The following GRAMD4 variants were observed in gnomAD, a reference collection of about 807,000 sequenced individuals.
GRAMD4 encodes the protein GRAM domain-containing protein 4.
In GRAMD4, 25 loss-of-function variants were observed where a neutral mutation model predicts 83.9. The ratio of observed to expected loss-of-function variants is 0.30; its 90% CI spans 0.22 to 0.42. The LOEUF (loss-of-function observed/expected upper bound fraction) is 0.42, where lower values mean the gene tolerates loss of function less well. Among genes scored for constraint, GRAMD4 ranks in the 10% least tolerant of loss-of-function variants. The pLI is 1.00. For missense variants in GRAMD4, 593 were observed against 788.7 expected, an observed-to-expected ratio of 0.75 and a Z score of 2.97; for synonymous variants, 336 against 320.9, an observed-to-expected ratio of 1.05 and a Z score of -0.50.
chr22:46,583,871 C>T (rs545882440), intron 1 of GRAMD4, among the ~76,000 whole-genome samples: 35 of 152,286 alleles, frequency 2.3e-4, no homozygotes, highest in Admixed American at 5.2e-4. Flanking sequence ...TCACTACACG[C>T]GGCCACACTT....
rs558583295 is a variant in GRAMD4 at position 46,678,406 on chromosome 22, C to T, written c.*1155C>T. 31 of 984,590 alleles carry T rather than the reference C, an allele frequency of 3.1e-5. No individual in the cohort carries two copies. Among genetic ancestry groups the T allele is most frequent in the Admixed American group, 6.1e-5 (1 of 16,296 alleles). The allele number at this position is 984,590 out of a possible 1,614,324, so 61.0% of individuals were successfully genotyped here. On this transcript the variant is annotated 3_prime_UTR_variant, in exon 19 of 19. Transcript: ENST00000406902. Reference sequence around the variant, plus strand: ...TCCGGGCACAGACCCCCCCAGCCCCCGCCCTGCCCCAGGGAAGCCTGGGCT... The same window carrying T: ...TCCGGGCACAGACCCCCCCAGCCCCTGCCCTGCCCCAGGGAAGCCTGGGCT...
At chr22:46,592,735 G>C (rs945007500) in intron 1 of GRAMD4, among the ~76,000 whole-genome samples, 3 of 152,274 alleles carry the variant, frequency 2.0e-5, no homozygotes, top group Non-Finnish European at 4.4e-5. Context: ...CGGCTGATTT[G>C]TTGGCTGACA....
At position 46,622,890 on chromosome 22, in the gene GRAMD4, C is replaced by G. The variant is rs138487; in HGVS notation, c.-50+2325C>G. Among the ~76,000 whole-genome samples, 2 of 142,412 alleles carry G rather than the reference C, an allele frequency of 1.4e-5. No homozygotes were observed. Among genetic ancestry groups the G allele is most frequent in the South Asian group, 2.2e-4 (1 of 4,456 alleles). The allele number at this position is 142,412 out of a possible 152,430, so 93.4% of individuals were successfully genotyped here. A position where few individuals can be genotyped will look rare whatever the true frequency, so the allele number is the denominator to read the frequency against. On this transcript the variant is annotated intron_variant, in intron 1 of 18. Transcript: ENST00000406902. This position sits in a 1 kb window ranked among gnomAD's most constrained non-coding sequence, Gnocchi z 4.0. The stretch of plus-strand genomic sequence containing the variant: ...TCACGCCACTGCACTCCAGCCTGGG[C>G]GACAGAGCAAGACTCCATCTCTAAA...
intron 1 of GRAMD4, among the ~76,000 whole-genome samples, chr22:46,587,053 T>TC (rs1221787227): frequency 6.6e-6 from 1 of 152,230 alleles, no homozygotes; most frequent in Non-Finnish European, 1.5e-5. Flanking sequence ...GTCGCCTACT[T>TC]CCTCGCATGC....
At chr22:46,673,854 C>T in intron 15 of GRAMD4, 40 bp downstream of exon 15, 1 of 1,608,470 alleles carries the variant, frequency 6.2e-7, no homozygotes, top group Non-Finnish European at 8.5e-7. Context: ...CGAGCGCCGA[C>T]ACAGACTGAA....
At position 46,672,551 on chromosome 22, in the gene GRAMD4, G is replaced by C. The variant is rs557258454; in HGVS notation, c.1085-292G>C. On this transcript the variant is annotated intron_variant, in intron 13 of 18. Transcript: ENST00000406902. The surrounding 1 kb of genome is among the most constrained non-coding windows in gnomAD (Gnocchi z 4.7). ...CAGGCGGAGTTGGAGAGAGAAGTGAGGGGCATTGGATGGGGGGGTCCTAGC... is the reference window on the plus strand; with the variant it reads ...CAGGCGGAGTTGGAGAGAGAAGTGACGGGCATTGGATGGGGGGGTCCTAGC... 2.0e-5 allele frequency among the ~76,000 whole-genome samples: 3 copies of C among 151,984 alleles called. No individual in the cohort carries two copies. Among genetic ancestry groups the C allele is most frequent in the African/African-American group, 7.2e-5 (3 of 41,426 alleles).
intron 3 of GRAMD4, among the ~76,000 whole-genome samples, chr22:46,646,784 A>T (rs2082078360): frequency 6.6e-6 from 1 of 152,216 alleles, no homozygotes; most frequent in African/African-American, 2.4e-5. Context: ...TGATAAAGAC[A>T]TACCTGAGAC....
At chr22:46,583,728 C>G (rs2081119952) in intron 1 of GRAMD4, among the ~76,000 whole-genome samples, 2 of 152,246 alleles carry the variant, frequency 1.3e-5, no homozygotes, top group African/African-American at 4.8e-5. Context: ...CCACGTCACG[C>G]CAGGCGCATA....
At chr22:46,603,571 C>T (rs1569254445) in intron 1 of GRAMD4, among the ~76,000 whole-genome samples, 2 of 135,412 alleles carry the variant, frequency 1.5e-5, no homozygotes, top group Admixed American at 8.0e-5. Flanking sequence ...GGCTGGAGTG[C>T]AGTGGCGCGA....
intron 1 of GRAMD4, among the ~76,000 whole-genome samples, chr22:46,607,946 C>A (rs1433947767): frequency 6.6e-6 from 1 of 152,208 alleles, no homozygotes; most frequent in Non-Finnish European, 1.5e-5. Context: ...CGGCTGCCCC[C>A]CCAGGGGCCG....
chr22:46,604,724 T>C (rs2081348617), intron 1 of GRAMD4, among the ~76,000 whole-genome samples: 1 of 152,226 alleles, frequency 6.6e-6, no homozygotes, highest in Non-Finnish European at 1.5e-5. Context: ...TAACGTCCTC[T>C]GGGTTCACCC....
At chr22:46,656,268 C>T (rs999227814) in intron 3 of GRAMD4, among the ~76,000 whole-genome samples, 8 of 152,232 alleles carry the variant, frequency 5.3e-5, no homozygotes, top group South Asian at 2.1e-4. Context: ...TTAGTAACAG[C>T]GAGTAACAGC....
intron 4 of GRAMD4, among the ~76,000 whole-genome samples, chr22:46,660,332 G>A (rs766340580): frequency 2.6e-5 from 4 of 152,130 alleles, no homozygotes; most frequent in Non-Finnish European, 2.9e-5. Context: ...GGAACCTTCT[G>A]GAAGCCTGAA....
chr22:46,645,805 GT>G (rs2082064129), intron 3 of GRAMD4, among the ~76,000 whole-genome samples: 1 of 152,226 alleles, frequency 6.6e-6, no homozygotes, highest in South Asian at 2.1e-4. Context: ...AGCATCATGC[GT>G]TTTTATTTAG....
intron 1 of GRAMD4, among the ~76,000 whole-genome samples, chr22:46,578,728 G>C (rs1396396755): frequency 6.6e-6 from 1 of 152,196 alleles, no homozygotes; most frequent in Non-Finnish European, 1.5e-5. Context: ...CCCCAGATGA[G>C]TGACCTCAGT....
At chr22:46,639,407 C>T (rs2081941525) in intron 3 of GRAMD4, among the ~76,000 whole-genome samples, 2 of 147,598 alleles carry the variant, frequency 1.4e-5, no homozygotes, top group South Asian at 4.3e-4. Context: ...CGCATGTGTG[C>T]AGTGTTAGTT....
intron 3 of GRAMD4, among the ~76,000 whole-genome samples, chr22:46,643,162 T>C (rs2082009025): frequency 1.3e-5 from 2 of 151,648 alleles, no homozygotes; most frequent in East Asian, 1.9e-4. Flanking sequence ...CATCCATCCA[T>C]CCATCCATCC....
intron 3 of GRAMD4, among the ~76,000 whole-genome samples, chr22:46,644,697 GTTTTTTTTTTTTTTTTTTTTTT>G (rs71192437): frequency 1.1e-4 from 11 of 97,370 alleles, no homozygotes; most frequent in African/African-American, 1.6e-4. Flanking sequence ...CTTGTTCCCT[GTTTTTTTTTTTTTTTTTTTTTT>G]TTTTTTTTTT....
intron 1 of GRAMD4, among the ~76,000 whole-genome samples, chr22:46,603,010 G>C (rs948093788): frequency 5.3e-5 from 8 of 151,770 alleles, no homozygotes; most frequent in East Asian, 1.9e-4. Flanking sequence ...CAAAATGCTG[G>C]GATTACAGGT....
Sources: allele counts gnomAD v4.1 joint callset (sites outside exome capture counted in the v4.1 genomes callset), GRCh38; gene constraint gnomAD v4.1.1; non-coding constraint Gnocchi (gnomAD v3.1); transcripts MANE v1.5; gene names NCBI Gene and HGNC (gene_info 2026-07-23, HGNC 2026-07-21).